Variants in DNAH8 observed in about 807,000 individuals in gnomAD.
DNAH8 encodes dynein axonemal heavy chain 8.
A neutral mutation model predicts 562.1 loss-of-function variants in DNAH8; 382 were observed. The ratio of observed to expected loss-of-function variants is 0.68; its 90% CI spans 0.63 to 0.74. DNAH8 has a LOEUF of 0.74. Ranked by LOEUF, DNAH8 falls within the 30% of genes least tolerant of loss-of-function variation. DNAH8 has a pLI of 0.00. For synonymous variants in DNAH8, 1,881 were observed against 1,919.4 expected (o/e 0.98, Z 0.52); for missense variants, 5,203 against 5,620.4 (o/e 0.93, Z 2.37).
chr6:38,851,295 A>G (rs1775723266), intron 38 of DNAH8, among the ~76,000 whole-genome samples: 1 of 152,168 alleles, frequency 6.6e-6, no homozygotes, highest in African/African-American at 2.4e-5. Flanking sequence ...TGAGCTTTCC[A>G]GCAGTCTCAG....
In DNAH8 at chr6:38,786,817, TA is replaced by T; in HGVS notation, c.2450del (p.Asn817IlefsTer16). The stretch of plus-strand genomic sequence containing the variant: ...ATCCAGAAACAGGGAAGTTGCTGGT[TA>T]ATTTCGATCCCAAAATTTTGGAAGT... ...RHPETGKLLV[N>X]FDPKILEVVR... On this transcript the variant is annotated frameshift_variant, in exon 18 of 93. Transcript: ENST00000327475. LOFTEE classifies it high-confidence loss of function. 1 of 1,613,278 alleles carries T rather than the reference TA, an allele frequency of 6.2e-7. No homozygotes were observed. The highest frequency in any genetic ancestry group is 8.5e-7 in the Non-Finnish European group (1 of 1,179,734).
At chr6:38,880,686 A>G (rs1008949166) in intron 53 of DNAH8, among the ~76,000 whole-genome samples, 1 of 152,240 alleles carries the variant, frequency 6.6e-6, no homozygotes, top group Non-Finnish European at 1.5e-5. Context: ...TGAAAAAAGC[A>G]TGTGAAAGAT....
chr6:38,941,317 C>T (rs556304585), intron 79 of DNAH8, among the ~76,000 whole-genome samples: 18 of 152,282 alleles, frequency 1.2e-4, no homozygotes, highest in African/African-American at 4.1e-4. Context: ...GGGCAGTCAC[C>T]GATAACTTCT....
At chr6:38,735,705 A>C (rs1764020307) in intron 5 of DNAH8, among the ~76,000 whole-genome samples, 1 of 152,174 alleles carries the variant, frequency 6.6e-6, no homozygotes, top group African/African-American at 2.4e-5. Context: ...CCTTTTATGA[A>C]ATAGTATAAG....
intron 82 of DNAH8, among the ~76,000 whole-genome samples, chr6:38,961,493 C>T (rs1208387389): frequency 6.6e-6 from 1 of 151,782 alleles, no homozygotes; most frequent in African/African-American, 2.4e-5. Context: ...AAATAACTTG[C>T]AAATAATAAC....
In DNAH8 at chr6:38,843,860, C is replaced by T. The variant is rs140526144; in HGVS notation, c.4845+957C>T. Among the ~76,000 whole-genome samples, 23 of 152,238 alleles carry T rather than the reference C, an allele frequency of 1.5e-4. No homozygotes were observed. In the East Asian group the frequency reaches 4.1e-3, roughly 27 times the overall value. ...AATTGTCTCTGTCCGTTTGTGTCTTCGTTTTCCTTGTCTAGTGGCTTTGTG... is the reference window on the plus strand; with the variant it reads ...AATTGTCTCTGTCCGTTTGTGTCTTTGTTTTCCTTGTCTAGTGGCTTTGTG... On this transcript the variant is annotated intron_variant, in intron 35 of 92. Transcript: ENST00000327475.
rs551474711 is a variant in DNAH8 at position 38,989,291 on chromosome 6, C to T, written c.13054-721C>T. On this transcript the variant is annotated intron_variant, in intron 87 of 92. Transcript: ENST00000327475. ...GGGAAAATTGCTGTGAGACGTAAGTCATTGCCTCAAATCTGGCTCATAGGC... is the reference window on the plus strand; with the variant it reads ...GGGAAAATTGCTGTGAGACGTAAGTTATTGCCTCAAATCTGGCTCATAGGC... Among the ~76,000 whole-genome samples, 8 of 152,292 alleles carry T rather than the reference C, an allele frequency of 5.3e-5. No homozygotes were observed. In the East Asian group the frequency reaches 1.3e-3, roughly 26 times the overall value.
At position 39,023,645 on chromosome 6, in the gene DNAH8, A is replaced by G. The variant is rs1259603730; in HGVS notation, c.13715-2901A>G. On this transcript the variant is annotated intron_variant, in intron 91 of 92. Coordinates refer to ENST00000327475, the MANE Select transcript of DNAH8 (RefSeq NM_001206927.2). ...AGCTTTTCATTCCATTAGACTTGCT[A>G]TCAGTCTACAAGAAAGATGGCCATT... is the stretch of plus-strand genomic sequence containing the variant. Among the ~76,000 whole-genome samples, 9 of 152,340 alleles carry G rather than the reference A, an allele frequency of 5.9e-5. No homozygotes were observed. The South Asian group carries it at 1.9e-3, about 32-fold the overall frequency.
chr6:39,029,986 C>T (rs1767560859), intron 92 of DNAH8, 119 bp from the exon 93 acceptor site: 1 of 776,488 alleles, frequency 1.3e-6, no homozygotes, highest in East Asian at 2.6e-5. Context: ...TGCTTTCTCC[C>T]TTTGGTAGTG....
intron 12 of DNAH8, among the ~76,000 whole-genome samples, chr6:38,772,142 C>A (rs1767639284): frequency 1.3e-5 from 2 of 151,382 alleles, no homozygotes; most frequent in South Asian, 4.2e-4. Flanking sequence ...CATTCTCCTG[C>A]CTCAGCCTCC....
intron 77 of DNAH8, among the ~76,000 whole-genome samples, chr6:38,937,459 A>G (rs546975612): frequency 1.1e-3 from 162 of 152,246 alleles, no homozygotes; most frequent in African/African-American, 3.7e-3. Context: ...AGACAGAGGG[A>G]TTAGAGTTTT....
chr6:38,756,120 A>G (rs759636677), intron 10 of DNAH8, 41 bp downstream of exon 10: 35 of 1,255,590 alleles, frequency 2.8e-5, no homozygotes, highest in Non-Finnish European at 3.9e-5. Context: ...ATCCTGTGAA[A>G]AAGTTAGCAA....
rs1238104527 is a variant in DNAH8 at position 38,921,515 on chromosome 6, A to G, written c.10662+9A>G. 2.5e-6 allele frequency: 4 copies of G among 1,609,606 alleles called. No homozygotes were observed. ...CAATGAATGAGAAAATGGTGAGATT[A>G]AACATAAAAAATCCCCAAAATGGTG... On this transcript the variant is annotated intron_variant, in intron 71 of 92. Coordinates refer to ENST00000327475, the MANE Select transcript of DNAH8 (RefSeq NM_001206927.2).
At chr6:38,899,736 A>T (rs370578992) in intron 61 of DNAH8, 40 bp from the exon 62 acceptor site, 1 of 1,609,296 alleles carries the variant, frequency 6.2e-7, no homozygotes, top group Non-Finnish European at 8.5e-7. Context: ...TAAACATTGC[A>T]TTCTTTTTTC....
chr6:39,005,706 C>A (rs753075059), intron 88 of DNAH8, among the ~76,000 whole-genome samples: 2 of 152,154 alleles, frequency 1.3e-5, no homozygotes, highest in Non-Finnish European at 2.9e-5. Context: ...TTTTGTTTGG[C>A]ACACAATTAT....
intron 35 of DNAH8, among the ~76,000 whole-genome samples, chr6:38,845,289 A>G (rs918727999): frequency 6.6e-6 from 1 of 152,208 alleles, no homozygotes; most frequent in Admixed American, 6.5e-5. Flanking sequence ...TTTAGCCAAA[A>G]GTTCGAATTG....
chr6:38,783,087 C>T lies in DNAH8; in HGVS notation c.2343C>T (p.Phe781=), dbSNP rs201767307. The T allele has an allele frequency of 8.7e-6, 14 of 1,613,898 alleles. No homozygotes were observed. The East Asian group carries it at 1.3e-4, about 15-fold the overall frequency. ...YNKISYVLVE[F]EVVYHTAWIR... is the part of the protein sequence containing the mutation. Reference sequence around the variant, plus strand: ...AGATCTCCTATGTGCTGGTGGAATTCGAGGTGGTCTATCACACAGCCTGGA... The same window carrying T: ...AGATCTCCTATGTGCTGGTGGAATTTGAGGTGGTCTATCACACAGCCTGGA... Residue 781 remains phenylalanine, a synonymous_variant, in exon 17 of 93, where the codon TTC becomes TTT. Transcript: ENST00000327475.
Position 38,860,587 on chromosome 6 carries a change from T to C in DNAH8, c.6089T>C (p.Leu2030Pro). The C allele has an allele frequency of 3.2e-6, 5 of 1,538,690 alleles. No individual in the cohort carries two copies. The highest frequency in any genetic ancestry group is 4.3e-6 in the Non-Finnish European group (5 of 1,152,802). ...GATTTTATTTACCAAAATGAATTTC[T>C]GGGATGTACTGATCGTCTTGTTATC... ...DVDFIYQNEF[L>P]GCTDRLVITP... The change falls in exon 43 of 93, where the codon CTG (leucine) becomes CCG (proline). Residue 2030 changes from leucine to proline, a missense_variant. Transcript: ENST00000327475.
At chr6:38,947,325 CAGA>C (rs1294826120) in intron 80 of DNAH8, among the ~76,000 whole-genome samples, 1 of 152,136 alleles carries the variant, frequency 6.6e-6, no homozygotes, top group Non-Finnish European at 1.5e-5. Flanking sequence ...AGGGAGGAAG[CAGA>C]AGATCAATCT....
Sources: gnomAD v4.1 joint callset for allele counts (sites outside exome capture counted in the v4.1 genomes callset) on GRCh38, gnomAD v4.1.1 for gene constraint, MANE v1.5 for transcripts, NCBI Gene and HGNC (gene_info 2026-07-23, HGNC 2026-07-21) for gene names.